The following UGCG variants were observed in gnomAD, a reference collection of about 807,000 sequenced individuals.
UGCG encodes UDP-glucose ceramide glucosyltransferase.
A neutral mutation model predicts 49.5 loss-of-function variants in UGCG; 10 were observed. The ratio of observed to expected loss-of-function variants is 0.20; its 90% CI spans 0.12 to 0.34. The LOEUF (loss-of-function observed/expected upper bound fraction) is 0.34. Among genes scored for constraint, UGCG ranks in the 10% least tolerant of loss-of-function variants. The pLI, the probability that UGCG is intolerant of heterozygous loss-of-function variation, is 1.00. For synonymous variants in UGCG, 182 were observed against 158.2 expected (o/e 1.15, Z -1.13); for missense variants, 312 against 483.7 (o/e 0.65, Z 3.33).
intron 1 of UGCG, among the ~76,000 whole-genome samples, chr9:111,909,054 A>C (rs1837945056): frequency 6.6e-6 from 1 of 152,102 alleles, no homozygotes; most frequent in Non-Finnish European, 1.5e-5. Context: ...GAGTAGCTGG[A>C]ATTATAGGCG....
intron 5 of UGCG, among the ~76,000 whole-genome samples, chr9:111,926,936 G>A (rs1306162184): frequency 8.2e-6 from 1 of 122,468 alleles, no homozygotes; most frequent in African/African-American, 3.1e-5. Context: ...GCAGTGGCAC[G>A]ATCTCGGCTC....
At chr9:111,915,218 C>T (rs913044832) in intron 2 of UGCG, among the ~76,000 whole-genome samples, 4 of 152,176 alleles carry the variant, frequency 2.6e-5, no homozygotes, top group African/African-American at 9.7e-5. Context: ...CATCTTACCT[C>T]ATTTTTAATT....
In UGCG at chr9:111,897,170, C is replaced by A. The variant is rs779327849; in HGVS notation, c.-46C>A. 4.6e-5 allele frequency: 70 copies of A among 1,510,534 alleles called. 1 individual carries two copies. The South Asian group carries it at 8.3e-4, about 18-fold the overall frequency. 93.6% of individuals were successfully genotyped at this position (1,510,534 alleles called of 1,614,324 possible). ...GTCCTCCTCCTGCGGGAGCGTTGTCCGTGTTGGCGGCCGCAGCGGGCCGGG... is the reference window on the plus strand; with the variant it reads ...GTCCTCCTCCTGCGGGAGCGTTGTCAGTGTTGGCGGCCGCAGCGGGCCGGG... On this transcript the variant is annotated 5_prime_UTR_variant, in exon 1 of 9. Transcript: ENST00000374279.
intron 5 of UGCG, among the ~76,000 whole-genome samples, chr9:111,927,538 G>A (rs1480875951): frequency 2.0e-5 from 3 of 151,798 alleles, no homozygotes; most frequent in Admixed American, 6.6e-5. Flanking sequence ...TGCAAGCTCC[G>A]CCTCCCGGGT....
intron 1 of UGCG, among the ~76,000 whole-genome samples, chr9:111,906,273 C>T (rs1301175710): frequency 1.3e-5 from 2 of 152,094 alleles, no homozygotes; most frequent in Non-Finnish European, 2.9e-5. Context: ...TGAATGGCAC[C>T]ACTAGTTACC....
intron 2 of UGCG, among the ~76,000 whole-genome samples, chr9:111,922,411 A>G (rs1838242905): frequency 6.6e-6 from 1 of 152,218 alleles, no homozygotes; most frequent in South Asian, 2.1e-4. Context: ...TTCATGAAAT[A>G]ATATTAAGTA....
chr9:111,927,588 A>T (rs1222516077), intron 5 of UGCG, among the ~76,000 whole-genome samples: 1 of 151,980 alleles, frequency 6.6e-6, no homozygotes, highest in Non-Finnish European at 1.5e-5. Flanking sequence ...AGTAGCTGGG[A>T]CTACAGGTGC....
At position 111,931,343 on chromosome 9, in the gene UGCG, A is replaced by T; in HGVS notation, c.810A>T (p.Gln270His). 1.2e-6 allele frequency: 2 copies of T among 1,613,758 alleles called. No homozygotes were observed. Among genetic ancestry groups the T allele is most frequent in the Non-Finnish European group, 1.7e-6 (2 of 1,179,962 alleles). ...NSGSYSISQF[Q>H]SRMIRWTKLR... Reference sequence around the variant, plus strand: ...GCTCATATTCAATTTCTCAGTTTCAATCCAGAATGATCAGGTAAATCAACT... The same window carrying T: ...GCTCATATTCAATTTCTCAGTTTCATTCCAGAATGATCAGGTAAATCAACT... Residue 270 changes from glutamine to histidine, a missense_variant, in exon 7 of 9, where the codon CAA becomes CAT. This residue lies in a region of UGCG where 180 missense variants were observed against 320.4 expected (regional missense o/e 0.56). Transcript: ENST00000374279.
chr9:111,903,971 A>T (rs1006320987), intron 1 of UGCG, among the ~76,000 whole-genome samples: 9 of 151,926 alleles, frequency 5.9e-5, no homozygotes, highest in African/African-American at 2.2e-4. Context: ...AAAAGAAACA[A>T]CTGCTGCCTG....
intron 1 of UGCG, among the ~76,000 whole-genome samples, chr9:111,903,581 T>C (rs909797536): frequency 2.0e-5 from 3 of 151,994 alleles, no homozygotes; most frequent in Admixed American, 6.6e-5. Context: ...AAAAGAAAAA[T>C]GTTCCCACCT....
chr9:111,933,157 A>G lies in UGCG; in HGVS notation c.*160A>G, dbSNP rs1240133569. 1.6e-6 allele frequency: 1 copy of G among 615,546 alleles called. No homozygotes were observed. The highest frequency in any genetic ancestry group is 1.9e-5 in the African/African-American group (1 of 52,332). The allele number at this position is 615,546 out of a possible 1,614,324, so 38.1% of individuals were successfully genotyped here. A position where few individuals can be genotyped will look rare whatever the true frequency, so the allele number is the denominator to read the frequency against. ...GCATGGCACTTGCATCTGTGAAAAA[A>G]AAAAAAAACACATCTGTAGTCTTGG... is the stretch of plus-strand genomic sequence containing the variant. On this transcript the variant is annotated 3_prime_UTR_variant, in exon 9 of 9. Coordinates refer to ENST00000374279, the MANE Select transcript of UGCG (RefSeq NM_003358.3).
intron 5 of UGCG, among the ~76,000 whole-genome samples, chr9:111,926,951 C>A (rs1247340605): frequency 1.2e-4 from 16 of 137,876 alleles, no homozygotes; most frequent in African/African-American, 4.3e-4. Context: ...CGGCTCACTG[C>A]AACCTCCACT....
chr9:111,903,436 G>A (rs1021867710), intron 1 of UGCG, among the ~76,000 whole-genome samples: 1 of 148,504 alleles, frequency 6.7e-6, no homozygotes. Flanking sequence ...GTGGTGGCAG[G>A]CGCCTGTAAT....
intron 3 of UGCG, 92 bp from the exon 4 acceptor site, chr9:111,924,685 G>A: frequency 4.2e-6 from 2 of 478,746 alleles, no homozygotes; most frequent in Non-Finnish European, 7.1e-6. Flanking sequence ...TATTAAATAT[G>A]CAAGTATTCT....
At chr9:111,907,057 T>C (rs1031140848) in intron 1 of UGCG, among the ~76,000 whole-genome samples, 15 of 152,070 alleles carry the variant, frequency 9.9e-5, no homozygotes, top group African/African-American at 3.4e-4. Flanking sequence ...TTTCAGTAGT[T>C]TTGGGGGATG....
At chr9:111,900,969 C>T (rs995779746) in intron 1 of UGCG, among the ~76,000 whole-genome samples, 12 of 152,108 alleles carry the variant, frequency 7.9e-5, no homozygotes, top group Admixed American at 6.5e-4. Flanking sequence ...CCTCAGCCTC[C>T]CAAGTAGCTG....
rs1837668501 is a variant in UGCG, at chr9:111,896,849, G to C, written c.-367G>C. 6.5e-6 allele frequency: 1 copy of C among 152,792 alleles called. No homozygotes were observed. The allele number at this position is 152,792 out of a possible 1,614,324, so 9.5% of individuals were successfully genotyped here. ...GCTGCGGCGGTGGAGCTGCTCGGCC[G>C]GGAGCCCGGCGGCGAGACGGAGAGG... On this transcript the variant is annotated 5_prime_UTR_variant, in exon 1 of 9. Transcript: ENST00000374279.
At chr9:111,930,891 C>T (rs1178888109) in intron 6 of UGCG, among the ~76,000 whole-genome samples, 1 of 152,168 alleles carries the variant, frequency 6.6e-6, no homozygotes, top group Non-Finnish European at 1.5e-5. Context: ...TCATGGTTTC[C>T]TAGTGTCTCC....
At chr9:111,921,305 A>G (rs1838217860) in intron 2 of UGCG, among the ~76,000 whole-genome samples, 2 of 152,134 alleles carry the variant, frequency 1.3e-5, no homozygotes, top group Non-Finnish European at 2.9e-5. Flanking sequence ...TAGAATACAT[A>G]TCCTACAAAT....
Sources: gnomAD v4.1 joint callset for allele counts (sites outside exome capture counted in the v4.1 genomes callset) on GRCh38, gnomAD v4.1.1 for gene constraint, gnomAD v4.1.1 regional missense constraint, MANE v1.5 for transcripts, NCBI Gene and HGNC (gene_info 2026-07-23, HGNC 2026-07-21) for gene names.